IL31RA: variants seen among roughly 807,000 people sequenced by gnomAD.
The protein encoded by IL31RA is interleukin 31 receptor A, also known as interleukin-31 receptor subunit alpha.
A neutral mutation model predicts 83.7 loss-of-function variants in IL31RA; 66 were observed. The ratio of observed to expected loss-of-function variants is 0.79; its 90% confidence interval spans 0.65 to 0.97. The LOEUF is 0.97. IL31RA is among the 50% of genes least tolerant of loss of function. The pLI is 0.00. For missense variants in IL31RA, 798 were observed against 919.4 expected, an observed-to-expected ratio of 0.87 and a Z score of 1.71; for synonymous variants, 325 against 329.0, an observed-to-expected ratio of 0.99 and a Z score of 0.13.
At chr5:55,881,076 G>A (rs917422569) in intron 4 of IL31RA, among the ~76,000 whole-genome samples, 1 of 152,116 alleles carries the variant, frequency 6.6e-6, no homozygotes. Context: ...CCTGAGGCGG[G>A]CGGATCACGA....
intron 4 of IL31RA, among the ~76,000 whole-genome samples, chr5:55,874,105 G>A (rs2112392807): frequency 6.6e-6 from 1 of 152,066 alleles, no homozygotes; most frequent in East Asian, 1.9e-4. Flanking sequence ...TTTTGCATGT[G>A]GATATCCAGT....
At chr5:55,893,412 T>C (rs1381183143) in intron 6 of IL31RA, among the ~76,000 whole-genome samples, 2 of 152,246 alleles carry the variant, frequency 1.3e-5, no homozygotes, top group Non-Finnish European at 2.9e-5. Flanking sequence ...TGCTGCTGGT[T>C]GTGGGGATGC....
intron 12 of IL31RA, among the ~76,000 whole-genome samples, chr5:55,911,548 A>G (rs867937107): frequency 2.0e-5 from 3 of 152,202 alleles, no homozygotes; most frequent in Non-Finnish European, 2.9e-5. Flanking sequence ...TTTTACATTA[A>G]AAAATAGCAA....
intron 5 of IL31RA, among the ~76,000 whole-genome samples, chr5:55,886,518 C>T (rs978608274): frequency 6.6e-6 from 1 of 152,106 alleles, no homozygotes. Flanking sequence ...AGGTGATCCA[C>T]CTGCCTCAGC....
At chr5:55,868,505 T>C (rs954132170) in intron 2 of IL31RA, among the ~76,000 whole-genome samples, 1 of 152,230 alleles carries the variant, frequency 6.6e-6, no homozygotes, top group African/African-American at 2.4e-5. Context: ...ACTTTGTATG[T>C]ATTTCTTGGT....
At chr5:55,914,225 G>C (rs1202380136) in intron 13 of IL31RA, among the ~76,000 whole-genome samples, 2 of 152,202 alleles carry the variant, frequency 1.3e-5, no homozygotes, top group African/African-American at 4.8e-5. Flanking sequence ...GCTGCACTTA[G>C]TTAATGGTCA....
intron 2 of IL31RA, among the ~76,000 whole-genome samples, chr5:55,867,233 TTGTGTGTGTGTTTGTG>T (rs1746192876): frequency 9.2e-6 from 1 of 108,994 alleles, no homozygotes; most frequent in African/African-American, 4.3e-5. Flanking sequence ...GTGTGTGTGT[TTGTGTGTGTGTTTGTG>T]TGTGCGTGTG....
chr5:55,893,081 T>G (rs1748112839), intron 6 of IL31RA, among the ~76,000 whole-genome samples: 1 of 152,254 alleles, frequency 6.6e-6, no homozygotes, highest in South Asian at 2.1e-4. Context: ...AAGTTGAATG[T>G]GAAGCACTGC....
intron 14 of IL31RA, 149 bp from the exon 15 acceptor site, chr5:55,916,495 A>G (rs1192051164): frequency 1.1e-5 from 8 of 725,044 alleles, no homozygotes; most frequent in Non-Finnish European, 2.0e-5. Flanking sequence ...AAGGGCATGC[A>G]GAGAGGGTTG....
chr5:55,851,942 T>G (rs577219902), intron 1 of IL31RA, among the ~76,000 whole-genome samples: 33 of 152,336 alleles, frequency 2.2e-4, no homozygotes, highest in African/African-American at 7.9e-4. Context: ...TCTATATCTT[T>G]GCCATAATTT....
chr5:55,864,103 A>G (rs1745854944), intron 2 of IL31RA, among the ~76,000 whole-genome samples: 6 of 152,014 alleles, frequency 3.9e-5, no homozygotes, highest in Admixed American at 3.9e-4. Flanking sequence ...TAAGACTAAG[A>G]CTATTCTGGG....
intron 2 of IL31RA, among the ~76,000 whole-genome samples, chr5:55,863,790 A>C (rs1010049389): frequency 7.9e-5 from 12 of 152,230 alleles, no homozygotes; most frequent in Non-Finnish European, 1.5e-4. Context: ...TGGCTCCAAA[A>C]ATCATTGACA....
chr5:55,864,768 ACTACACACATACCACACACACT>A (rs1377547348), intron 2 of IL31RA, among the ~76,000 whole-genome samples: 1 of 151,336 alleles, frequency 6.6e-6, no homozygotes, highest in Non-Finnish European at 1.5e-5. Flanking sequence ...ACACATACAC[ACTACACACATACCACACACACT>A]CTACACACAC....
At chr5:55,868,711 T>C (rs57216875) in intron 2 of IL31RA, 80 bp from the exon 3 acceptor site, 26,334 of 891,778 alleles carry the variant, frequency 0.03, 1,038 homozygotes, top group African/African-American at 0.16. Flanking sequence ...ATATTTTCCA[T>C]TAAAAATGTT....
rs1450050947 is a variant in IL31RA at position 55,917,738 on chromosome 5, AC to A, written c.*623del. On this transcript the variant is annotated 3_prime_UTR_variant, in exon 15 of 15. Coordinates refer to ENST00000652347, the MANE Select transcript of IL31RA (RefSeq NM_139017.7). ...AGCAACACCGCACCTGAGAATCCTC[AC>A]CCCCAATTTAGACTGCATTGACTAC... Among the ~76,000 whole-genome samples, 1 of 151,426 alleles carries A rather than the reference AC, an allele frequency of 6.6e-6. No individual in the cohort carries two copies. Among genetic ancestry groups the A allele is most frequent in the Non-Finnish European group, 1.5e-5 (1 of 67,924 alleles).
At chr5:55,874,546 T>C (rs1580681427) in intron 4 of IL31RA, among the ~76,000 whole-genome samples, 1 of 152,158 alleles carries the variant, frequency 6.6e-6, no homozygotes, top group African/African-American at 2.4e-5. Flanking sequence ...CTTCAGTTTC[T>C]TTCATTAATT....
In IL31RA at chr5:55,920,366, C is replaced by T. The variant is rs1374006777; in HGVS notation, c.*3246C>T. ...CAGTGGCCCACGGGCCAAATCCAGGCCCTGTTTTTGTAGGTTCATGAACTA... is the reference window on the plus strand; with the variant it reads ...CAGTGGCCCACGGGCCAAATCCAGGTCCTGTTTTTGTAGGTTCATGAACTA... On this transcript the variant is annotated 3_prime_UTR_variant, in exon 15 of 15. Transcript: ENST00000652347. Among the ~76,000 whole-genome samples the T allele has an allele frequency of 6.6e-6, 1 of 152,254 alleles. No individual in the cohort carries two copies. Among genetic ancestry groups the T allele is most frequent in the Admixed American group, 6.5e-5 (1 of 15,284 alleles).
intron 1 of IL31RA, among the ~76,000 whole-genome samples, chr5:55,855,316 AAT>A (rs33990463): frequency 4.1e-5 from 6 of 145,814 alleles, no homozygotes; most frequent in South Asian, 2.2e-4. Flanking sequence ...GATAATTTAA[AAT>A]ATATATATAT....
At chr5:55,886,375 G>GTGAT (rs1298978677) in intron 5 of IL31RA, among the ~76,000 whole-genome samples, 2 of 148,318 alleles carry the variant, frequency 1.3e-5, no homozygotes, top group Non-Finnish European at 3.0e-5. Flanking sequence ...CGGGGTTCAA[G>GTGAT]TGATTCTCCT....
Sources: gnomAD v4.1 joint callset for allele counts (sites outside exome capture counted in the v4.1 genomes callset) on GRCh38, gnomAD v4.1.1 for gene constraint, MANE v1.5 for transcripts, NCBI Gene and HGNC (gene_info 2026-07-23, HGNC 2026-07-21) for gene names.